The following DOCK3 variants were observed in gnomAD, a reference collection of about 807,000 sequenced individuals.
DOCK3 encodes dedicator of cytokinesis 3, also known as dedicator of cytokinesis protein 3.
Under a neutral mutation model 265.6 loss-of-function variants are expected in DOCK3, and 60 were observed. That is an observed-to-expected ratio of 0.23 (90% CI 0.18 to 0.28). DOCK3 has a LOEUF of 0.28. Ranked by LOEUF, DOCK3 falls within the 10% of genes least tolerant of loss-of-function variation. The probability of loss-of-function intolerance (pLI) is 1.00; values close to 1 mark genes in which losing one functional copy is unlikely to be tolerated. For synonymous variants in DOCK3, 881 were observed against 938.0 expected, an observed-to-expected ratio of 0.94 and a Z score of 1.11; for missense variants, 1,981 against 2,594.3, an observed-to-expected ratio of 0.76 and a Z score of 5.14.
chr3:51,127,348 C>G (rs962396247), intron 9 of DOCK3, among the ~76,000 whole-genome samples: 1 of 152,156 alleles, frequency 6.6e-6, no homozygotes, highest in Admixed American at 6.5e-5. Context: ...TATTAACCAT[C>G]ACAAGTCCAC....
intron 5 of DOCK3, among the ~76,000 whole-genome samples, chr3:51,016,675 AT>A (rs1323552783): frequency 2.7e-5 from 1 of 36,470 alleles, no homozygotes; most frequent in Non-Finnish European, 5.2e-5. Flanking sequence ...TATGATATAT[AT>A]TTATATATCA....
chr3:50,700,234 G>A (rs184397502), intron 1 of DOCK3, among the ~76,000 whole-genome samples: 22 of 152,322 alleles, frequency 1.4e-4, no homozygotes, highest in Admixed American at 1.2e-3. Context: ...AGCGGAGATC[G>A]CACCATTGCA....
chr3:51,174,548 T>C (rs1410163094), intron 12 of DOCK3, among the ~76,000 whole-genome samples: 1 of 152,190 alleles, frequency 6.6e-6, no homozygotes, highest in African/African-American at 2.4e-5. Context: ...TTTAGTTATC[T>C]ATCTGTTCTC....
chr3:50,747,648 G>C (rs2039527756), intron 1 of DOCK3, among the ~76,000 whole-genome samples: 1 of 152,198 alleles, frequency 6.6e-6, no homozygotes, highest in South Asian at 2.1e-4. Flanking sequence ...CGGATCACTT[G>C]AGGTCAGGAA....
intron 27 of DOCK3, among the ~76,000 whole-genome samples, chr3:51,309,467 G>A (rs4085062): frequency 0.071 from 10,764 of 152,222 alleles, 961 homozygotes; most frequent in East Asian, 0.32. Context: ...GCCTGCAATC[G>A]CAGGCACTCG....
intron 27 of DOCK3, among the ~76,000 whole-genome samples, chr3:51,296,723 G>T (rs758941470): frequency 2.0e-5 from 3 of 151,914 alleles, no homozygotes; most frequent in African/African-American, 7.3e-5. Context: ...TGATCCGCCC[G>T]CCTTGGCCTC....
At chr3:50,888,713 T>C (rs2048474375) in intron 3 of DOCK3, among the ~76,000 whole-genome samples, 1 of 152,108 alleles carries the variant, frequency 6.6e-6, no homozygotes, top group Admixed American at 6.6e-5. Context: ...TCCGCATATC[T>C]ACAACTATCT....
intron 32 of DOCK3, 24 bp downstream of exon 32, chr3:51,315,152 G>T (rs1487570560): frequency 6.4e-7 from 1 of 1,574,488 alleles, no homozygotes; most frequent in Non-Finnish European, 8.6e-7. Flanking sequence ...CAGTGTTCGG[G>T]GTATTCTCTG....
chr3:50,871,563 G>A (rs954655715), intron 3 of DOCK3, among the ~76,000 whole-genome samples: 4 of 151,908 alleles, frequency 2.6e-5, no homozygotes, highest in African/African-American at 9.7e-5. Flanking sequence ...GATGTCTCTC[G>A]CTATGTTTGG....
intron 3 of DOCK3, among the ~76,000 whole-genome samples, chr3:50,882,262 A>T (rs1474417630): frequency 6.6e-6 from 1 of 152,230 alleles, no homozygotes; most frequent in Non-Finnish European, 1.5e-5. Context: ...CAAAATAGAC[A>T]AATGGGATCT....
intron 33 of DOCK3, among the ~76,000 whole-genome samples, chr3:51,330,826 T>A (rs552219714): frequency 4.6e-5 from 7 of 152,316 alleles, no homozygotes; most frequent in Non-Finnish European, 7.4e-5. Context: ...CCCTCCCAAG[T>A]AGATAGTGAT....
intron 8 of DOCK3, 103 bp downstream of exon 8, chr3:51,089,387 T>C: frequency 7.2e-7 from 1 of 1,383,298 alleles, no homozygotes; most frequent in Non-Finnish European, 1.0e-6. Flanking sequence ...CACTGACTTC[T>C]TGACTGTGTG....
At chr3:51,159,934 G>A (rs1455684726) in intron 11 of DOCK3, among the ~76,000 whole-genome samples, 1 of 152,194 alleles carries the variant, frequency 6.6e-6, no homozygotes, top group Non-Finnish European at 1.5e-5. Context: ...TTTTATCAAA[G>A]AATATTTTTT....
At chr3:51,100,776 G>A (rs2083050759) in intron 9 of DOCK3, among the ~76,000 whole-genome samples, 1 of 151,594 alleles carries the variant, frequency 6.6e-6, no homozygotes, top group Non-Finnish European at 1.5e-5. Flanking sequence ...CTTCAACAAA[G>A]CAATAGCTAA....
intron 2 of DOCK3, among the ~76,000 whole-genome samples, chr3:50,823,777 G>A (rs911746098): frequency 3.1e-4 from 47 of 152,192 alleles, no homozygotes; most frequent in Middle Eastern, 6.8e-3. Flanking sequence ...CAGACGGGGC[G>A]GCTGGCCGGG....
At chr3:51,209,274 C>T (rs2089385380) in intron 13 of DOCK3, among the ~76,000 whole-genome samples, 3 of 152,172 alleles carry the variant, frequency 2.0e-5, no homozygotes, top group South Asian at 4.1e-4. Context: ...TTCTGAAAGA[C>T]TGACCATAAT....
intron 9 of DOCK3, among the ~76,000 whole-genome samples, chr3:51,111,711 C>T (rs2083526910): frequency 6.6e-6 from 1 of 152,062 alleles, no homozygotes. Context: ...CAAAAATTGA[C>T]AAATGGGATC....
chr3:50,957,302 T>C (rs1464897104), intron 5 of DOCK3, among the ~76,000 whole-genome samples: 1 of 152,252 alleles, frequency 6.6e-6, no homozygotes, highest in Admixed American at 6.5e-5. Flanking sequence ...GTACTGATAT[T>C]GAAGTTCATT....
intron 2 of DOCK3, among the ~76,000 whole-genome samples, chr3:50,805,104 A>G (rs2043333276): frequency 6.6e-6 from 1 of 151,940 alleles, no homozygotes. Flanking sequence ...ATGTCCCTAT[A>G]TTGATTTGTA....
Sources: gnomAD v4.1 joint callset for allele counts (sites outside exome capture counted in the v4.1 genomes callset) on GRCh38, gnomAD v4.1.1 for gene constraint, MANE v1.5 for transcripts, NCBI Gene and HGNC (gene_info 2026-07-23, HGNC 2026-07-21) for gene names.